The following SYNE1 variants were observed in gnomAD, a reference collection of about 807,000 sequenced individuals.
SYNE1 encodes nesprin-1.
In SYNE1, 616 loss-of-function variants were observed where a neutral mutation model predicts 1,111.0. That is an observed-to-expected ratio of 0.55 (90% CI 0.52 to 0.59). SYNE1 has a LOEUF of 0.59. Ranked by LOEUF, SYNE1 falls within the 20% of genes least tolerant of loss-of-function variation. The pLI is 0.00. For synonymous variants in SYNE1, 3,855 were observed against 3,825.8 expected (o/e 1.01, Z -0.28); for missense variants, 10,006 against 10,417.0 (o/e 0.96, Z 1.72).
chr6:152,215,132 G>A (rs2078320260), intron 121 of SYNE1, 72 bp from the exon 122 acceptor site: 1 of 1,556,746 alleles, frequency 6.4e-7, no homozygotes, highest in African/African-American at 1.4e-5. Context: ...AGTGCGCAGT[G>A]AATTTCTGAT....
At chr6:152,436,404 T>C (rs144492993) in intron 32 of SYNE1, among the ~76,000 whole-genome samples, 1 of 152,222 alleles carries the variant, frequency 6.6e-6, no homozygotes, top group East Asian at 1.9e-4. Flanking sequence ...TGGGTTTATA[T>C]GATTTTCCTA....
chr6:152,471,683 G>T lies in SYNE1; in HGVS notation c.1546C>A (p.Leu516Met), dbSNP rs1367902492. 1.2e-6 allele frequency: 2 copies of T among 1,613,984 alleles called. No individual in the cohort carries two copies. The highest frequency in any genetic ancestry group is 3.3e-5 in the Admixed American group (2 of 60,018). Reference protein sequence around the residue: ...LELKYRLLSLLVLAESKLKSW... With the variant: ...LELKYRLLSLMVLAESKLKSW... ...TTCAGCTTTGACTCTGCAAGAACCA[G>T]CAGTGAGAGCAGACGGTACTTTAAT... The change falls in exon 16 of 146, where the codon CTG (leucine) becomes ATG (methionine). Residue 516 changes from leucine to methionine, a missense_variant. Transcript: ENST00000367255.
chr6:152,367,778 A>G, intron 61 of SYNE1: 1 of 235,800 alleles, frequency 4.2e-6, no homozygotes, highest in Non-Finnish European at 8.4e-6. Context: ...AAAAAAAATA[A>G]TCTGAGATTT....
chr6:152,349,957 C>G (rs752992311), intron 72 of SYNE1, among the ~76,000 whole-genome samples: 1 of 152,170 alleles, frequency 6.6e-6, no homozygotes, highest in Non-Finnish European at 1.5e-5. Flanking sequence ...TCCAACAAAC[C>G]TCTTTCTTTT....
chr6:152,471,969 C>A (rs1178674257), intron 15 of SYNE1: 1 of 615,224 alleles, frequency 1.6e-6, no homozygotes, highest in South Asian at 2.0e-5. Flanking sequence ...CGATTTAGTT[C>A]TTTCCCCTGC....
intron 3 of SYNE1, among the ~76,000 whole-genome samples, chr6:152,588,128 A>C (rs1431571561): frequency 6.6e-6 from 1 of 152,226 alleles, no homozygotes; most frequent in Non-Finnish European, 1.5e-5. Context: ...TCTAGCTGAC[A>C]TTCAAGTTCT....
chr6:152,324,968 AAAAAGC>A lies in SYNE1; in HGVS notation c.15657+110_15657+115del. The A allele has an allele frequency of 3.2e-6, 4 of 1,237,402 alleles. No homozygotes were observed. The Admixed American group carries it at 7.1e-5, about 22-fold the overall frequency. 76.7% of individuals were successfully genotyped at this position (1,237,402 alleles called of 1,614,324 possible). On this transcript the variant is annotated intron_variant, in intron 81 of 145. Transcript: ENST00000367255. ...TTTTTATGTCACTGAAACAGATTTT[AAAAAGC>A]CTTTATTACTTTCATAAGGCTGACT...
intron 139 of SYNE1, 127 bp downstream of exon 139, chr6:152,141,076 G>T: frequency 7.4e-7 from 1 of 1,343,254 alleles, no homozygotes; most frequent in Non-Finnish European, 1.1e-6. Flanking sequence ...GTTATAACTT[G>T]GAAGGAAGTT....
At chr6:152,380,235 T>C (rs756175351) in intron 56 of SYNE1, among the ~76,000 whole-genome samples, 6 of 152,162 alleles carry the variant, frequency 3.9e-5, no homozygotes, top group Admixed American at 1.3e-4. Context: ...TTTGAAATGA[T>C]TGTAATATAA....
At chr6:152,266,456 A>G (rs2092706389) in intron 100 of SYNE1, among the ~76,000 whole-genome samples, 1 of 152,320 alleles carries the variant, frequency 6.6e-6, no homozygotes, top group African/African-American at 2.4e-5. Context: ...TCTTGGCTCA[A>G]TCAACATGAA....
At chr6:152,451,949 C>T (rs1461449633) in intron 25 of SYNE1, among the ~76,000 whole-genome samples, 2 of 151,550 alleles carry the variant, frequency 1.3e-5, no homozygotes, top group Admixed American at 1.3e-4. Flanking sequence ...AGCTATTATA[C>T]CCACTTCAAA....
intron 124 of SYNE1, among the ~76,000 whole-genome samples, chr6:152,210,700 AC>A (rs1453616040): frequency 3.9e-5 from 6 of 152,210 alleles, no homozygotes; most frequent in African/African-American, 1.2e-4. Flanking sequence ...GTAATAGAAC[AC>A]ATGAGGCTAA....
intron 59 of SYNE1, among the ~76,000 whole-genome samples, chr6:152,369,884 G>A (rs1298530006): frequency 6.7e-6 from 1 of 148,238 alleles, no homozygotes; most frequent in Admixed American, 6.8e-5. Context: ...TCAGGAGTCT[G>A]AGGTAGGAGA....
In SYNE1 at chr6:152,604,637, A is replaced by T. The variant is rs576392601; in HGVS notation, c.67+23628T>A. ...TTAATTTTGGAAAAAAGTTATAGAA[A>T]TCTATCTAATAATTTTTGGGGGCAG... On this transcript the variant is annotated intron_variant, in intron 3 of 145. Coordinates refer to ENST00000367255, the MANE Select transcript of SYNE1 (RefSeq NM_182961.4). Among the ~76,000 whole-genome samples, 4 of 152,030 alleles carry T rather than the reference A, an allele frequency of 2.6e-5. No homozygotes were observed. In the East Asian group the frequency reaches 7.8e-4, roughly 30 times the overall value.
intron 66 of SYNE1, among the ~76,000 whole-genome samples, chr6:152,357,660 A>G (rs1287648765): frequency 1.3e-5 from 2 of 152,164 alleles, no homozygotes; most frequent in Non-Finnish European, 2.9e-5. Flanking sequence ...TATTATTTAT[A>G]ATCATCTTTC....
chr6:152,327,471 C>G (rs1483503502), intron 78 of SYNE1, among the ~76,000 whole-genome samples: 1 of 152,102 alleles, frequency 6.6e-6, no homozygotes, highest in African/African-American at 2.4e-5. Flanking sequence ...GATGGCTGGT[C>G]CATTCAATTC....
At chr6:152,568,297 T>A (rs1271248951) in intron 3 of SYNE1, among the ~76,000 whole-genome samples, 2 of 136,386 alleles carry the variant, frequency 1.5e-5, no homozygotes, top group Admixed American at 1.5e-4. Flanking sequence ...TTCTTTTTTT[T>A]TTTTTTTTTT....
At chr6:152,317,036 T>G (rs1354640467) in intron 86 of SYNE1, 50 bp from the exon 87 acceptor site, 1 of 1,607,724 alleles carries the variant, frequency 6.2e-7, no homozygotes, top group African/African-American at 1.3e-5. Context: ...CTCAGTTTCT[T>G]GAGCTATAAA....
chr6:152,607,957 G>T (rs2099620612), intron 3 of SYNE1, among the ~76,000 whole-genome samples: 1 of 152,076 alleles, frequency 6.6e-6, no homozygotes, highest in African/African-American at 2.4e-5. Context: ...ACTGCCTGTT[G>T]TCACTCATAA....
Sources: allele counts gnomAD v4.1 joint callset (sites outside exome capture counted in the v4.1 genomes callset), GRCh38; gene constraint gnomAD v4.1.1; transcripts MANE v1.5; gene names NCBI Gene and HGNC (gene_info 2026-07-23, HGNC 2026-07-21).